The following TCP11L1 variants were observed in gnomAD, a reference collection of about 807,000 sequenced individuals.
TCP11L1 encodes the protein t-complex 11 like 1.
Under a neutral mutation model 48.9 loss-of-function variants are expected in TCP11L1, and 28 were observed. The ratio of observed to expected loss-of-function variants is 0.57; its 90% CI spans 0.42 to 0.78. TCP11L1 has a LOEUF of 0.78. Ranked by LOEUF, TCP11L1 falls within the 30% of genes least tolerant of loss-of-function variation. The pLI, the probability that TCP11L1 is intolerant of heterozygous loss-of-function variation, is 0.00. For missense variants in TCP11L1, 505 were observed against 613.4 expected (o/e 0.82, Z 1.87); for synonymous variants, 204 against 231.9 (o/e 0.88, Z 1.09).
intron 1 of TCP11L1, among the ~76,000 whole-genome samples, chr11:33,042,200 G>A (rs1041874884): frequency 3.3e-5 from 5 of 151,962 alleles, no homozygotes; most frequent in African/African-American, 9.7e-5. Flanking sequence ...GTGCGATCTC[G>A]GCTCACTGCA....
At chr11:33,040,268 C>G (rs2273543) in intron 1 of TCP11L1, 1 of 151,904 alleles carries the variant, frequency 6.6e-6, no homozygotes, top group Non-Finnish European at 1.5e-5. Context: ...AATGGATGCG[C>G]GCGATATAAG....
chr11:33,069,338 T>C (rs1421964198), intron 9 of TCP11L1, among the ~76,000 whole-genome samples: 1 of 151,796 alleles, frequency 6.6e-6, no homozygotes, highest in Non-Finnish European at 1.5e-5. Flanking sequence ...AATATTAGTA[T>C]GTAATACTAT....
chr11:33,045,604 C>T (rs1301725287), intron 2 of TCP11L1, among the ~76,000 whole-genome samples: 2 of 152,178 alleles, frequency 1.3e-5, no homozygotes, highest in Non-Finnish European at 2.9e-5. Flanking sequence ...GCTTTACAAC[C>T]TATAGTTTCT....
At position 33,046,461 on chromosome 11, in the gene TCP11L1, T is replaced by C. The variant is rs117185201; in HGVS notation, c.163+2525T>C. On this transcript the variant is annotated intron_variant, in intron 2 of 9. Coordinates refer to ENST00000334274, the MANE Select transcript of TCP11L1 (RefSeq NM_018393.4). ...AGGCAAGAATACTTATCCTGGGACC[T>C]ATGATCAAGATTTAGGGGATCTAGT... Among the ~76,000 whole-genome samples the C allele has an allele frequency of 9.2e-3, 1,403 of 152,378 alleles. 14 individuals carry two copies. Among genetic ancestry groups the C allele is most frequent in the Non-Finnish European group, 0.014 (982 of 68,042 alleles).
At chr11:33,066,460 G>A (rs186479756) in intron 8 of TCP11L1, among the ~76,000 whole-genome samples, 1 of 152,250 alleles carries the variant, frequency 6.6e-6, no homozygotes, top group East Asian at 1.9e-4. Flanking sequence ...AGTGGCTCGG[G>A]CTGGGGGGTA....
intron 1 of TCP11L1, 199 bp downstream of exon 1, chr11:33,039,991 TCCCGG>T (rs1445601429): frequency 2.0e-5 from 3 of 152,132 alleles, no homozygotes; most frequent in Non-Finnish European, 4.4e-5. Flanking sequence ...CCTCCCCTAC[TCCCGG>T]CCCTGCCACT....
intron 6 of TCP11L1, 120 bp downstream of exon 6, chr11:33,059,215 A>G (rs1854404701): frequency 2.2e-6 from 3 of 1,348,522 alleles, no homozygotes; most frequent in South Asian, 1.5e-5. Flanking sequence ...AGAATAGTCT[A>G]ATTTGAAGAA....
chr11:33,052,515 A>C (rs1479828326), intron 2 of TCP11L1, among the ~76,000 whole-genome samples: 1 of 152,148 alleles, frequency 6.6e-6, no homozygotes, highest in African/African-American at 2.4e-5. Flanking sequence ...AAAGGAAAGA[A>C]AATAACTTTT....
Position 33,068,839 on chromosome 11 carries a change from AC to A in TCP11L1, c.1311del (p.Ile438PhefsTer10), listed in dbSNP as rs1179106955. ...ATCCAGGCCGTGGCCAGTCCCGATGACCCCATTCGCAGGATCATGGGTACGT... is the reference window on the plus strand; with the variant it reads ...ATCCAGGCCGTGGCCAGTCCCGATGACCCATTCGCAGGATCATGGGTACGT... Reference protein sequence around the residue: ...GQIQAVASPDDPIRRIMESRI... With the variant: ...GQIQAVASPDXPIRRIMESRI... On this transcript the variant is annotated frameshift_variant, in exon 9 of 10. Transcript: ENST00000334274. LOFTEE classifies it high-confidence loss of function. 6.2e-7 allele frequency: 1 copy of A among 1,613,270 alleles called. No homozygotes were observed. Among genetic ancestry groups the A allele is most frequent in the Non-Finnish European group, 8.5e-7 (1 of 1,179,404 alleles).
intron 3 of TCP11L1, 81 bp downstream of exon 3, chr11:33,054,806 A>G: frequency 6.9e-7 from 1 of 1,442,354 alleles, no homozygotes; most frequent in Non-Finnish European, 9.3e-7. Context: ...AGTTGATACC[A>G]ATATATTCAA....
intron 8 of TCP11L1, among the ~76,000 whole-genome samples, chr11:33,066,868 G>A (rs923498257): frequency 3.9e-5 from 6 of 152,092 alleles, no homozygotes; most frequent in African/African-American, 1.4e-4. Flanking sequence ...TTGTGACCTA[G>A]TACACACTTA....
At position 33,072,682 on chromosome 11, in the gene TCP11L1, A is replaced by T; in HGVS notation, c.*6A>T. On this transcript the variant is annotated 3_prime_UTR_variant, in exon 10 of 10. Coordinates refer to ENST00000334274, the MANE Select transcript of TCP11L1 (RefSeq NM_018393.4). ...AGATCCTCGTCCGATCCTAACGTGT[A>T]TGCACCCTACAGCAGCAGTATTACT... 6.2e-7 allele frequency: 1 copy of T among 1,614,094 alleles called. No homozygotes were observed. The highest frequency in any genetic ancestry group is 8.5e-7 in the Non-Finnish European group (1 of 1,179,988).
At chr11:33,055,736 T>C (rs1006820848) in intron 3 of TCP11L1, among the ~76,000 whole-genome samples, 4 of 152,244 alleles carry the variant, frequency 2.6e-5, no homozygotes, top group Non-Finnish European at 5.9e-5. Context: ...AGATTTCTTA[T>C]ATCTGCAAAG....
At chr11:33,051,500 A>G (rs560907215) in intron 2 of TCP11L1, among the ~76,000 whole-genome samples, 1 of 152,222 alleles carries the variant, frequency 6.6e-6, no homozygotes, top group Non-Finnish European at 1.5e-5. Flanking sequence ...GCACCATTTG[A>G]TTAAAAACAA....
At chr11:33,071,219 T>G (rs1854780104) in intron 9 of TCP11L1, among the ~76,000 whole-genome samples, 1 of 151,204 alleles carries the variant, frequency 6.6e-6, no homozygotes, top group Non-Finnish European at 1.5e-5. Context: ...GGAGGCAGAG[T>G]GGGGAGAATC....
At chr11:33,060,706 C>T (rs1245627095) in intron 6 of TCP11L1, among the ~76,000 whole-genome samples, 3 of 152,102 alleles carry the variant, frequency 2.0e-5, no homozygotes, top group Non-Finnish European at 4.4e-5. Context: ...GTTCACTTTC[C>T]CCCAGGTTGA....
intron 2 of TCP11L1, among the ~76,000 whole-genome samples, chr11:33,054,222 CTT>C (rs879682189): frequency 3.6e-5 from 5 of 138,738 alleles, no homozygotes; most frequent in East Asian, 4.1e-4. Flanking sequence ...CTGGTGTCTT[CTT>C]TTTTTTTTTT....
At chr11:33,044,141 A>G (rs1049333305) in intron 2 of TCP11L1, 3 of 487,972 alleles carry the variant, frequency 6.1e-6, no homozygotes, top group African/African-American at 2.0e-5. Context: ...ACAATTTAGA[A>G]TAATGTCCAG....
intron 2 of TCP11L1, chr11:33,044,170 C>T: frequency 5.2e-6 from 2 of 381,668 alleles, no homozygotes; most frequent in Non-Finnish European, 9.3e-6. Flanking sequence ...TGTCTTTCTC[C>T]AGCCTCAGTG....
Sources: allele counts gnomAD v4.1 joint callset (sites outside exome capture counted in the v4.1 genomes callset), GRCh38; gene constraint gnomAD v4.1.1; transcripts MANE v1.5; gene names NCBI Gene and HGNC (gene_info 2026-07-23, HGNC 2026-07-21).